WIPF2: variants seen among roughly 807,000 people sequenced by gnomAD.
WIPF2 encodes WAS/WASL interacting protein family member 2.
A neutral mutation model predicts 38.8 loss-of-function variants in WIPF2; 23 were observed. The ratio of observed to expected loss-of-function variants is 0.59; its 90% confidence interval spans 0.43 to 0.84. The LOEUF is 0.84. WIPF2 is among the 40% of genes least tolerant of loss of function. WIPF2 has a pLI of 0.00. For missense variants in WIPF2, 574 were observed against 580.5 expected (o/e 0.99, Z 0.11); for synonymous variants, 210 against 223.2 (o/e 0.94, Z 0.53).
chr17:40,256,417 T>C lies in WIPF2; in HGVS notation c.-43T>C. ...TATATGAATGACCTAAAGGTACAAA[T>C]AAAGACGGAGAGAGAACAGTGCCAA... On this transcript the variant is annotated 5_prime_UTR_variant, in exon 2 of 8. Transcript: ENST00000323571. 6.3e-7 allele frequency: 1 copy of C among 1,589,582 alleles called. No homozygotes were observed. The highest frequency in any genetic ancestry group is 2.3e-5 in the East Asian group (1 of 43,280).
At chr17:40,270,373 A>AG in intron 5 of WIPF2, among the ~76,000 whole-genome samples, 1 of 151,536 alleles carries the variant, frequency 6.6e-6, no homozygotes, top group East Asian at 1.9e-4. Flanking sequence ...CTCAAAAAAA[A>AG]AAAAAAAAAA....
At chr17:40,257,862 G>T (rs183309091) in intron 2 of WIPF2, among the ~76,000 whole-genome samples, 1 of 152,058 alleles carries the variant, frequency 6.6e-6, no homozygotes, top group African/African-American at 2.4e-5. Context: ...ATGTGTGCAC[G>T]CATAGGTGTG....
chr17:40,273,784 T>C lies in WIPF2; in HGVS notation c.971-6T>C. Reference sequence around the variant, plus strand: ...CAAACCTAACTACTTTGGATTTTAATTGCAGCTCCTCCACCCCCACCACCT... The same window carrying C: ...CAAACCTAACTACTTTGGATTTTAACTGCAGCTCCTCCACCCCCACCACCT... On this transcript the variant is annotated splice_region_variant and splice_polypyrimidine_tract_variant and intron_variant, in intron 5 of 7. Coordinates refer to ENST00000323571, the MANE Select transcript of WIPF2 (RefSeq NM_133264.5). 6.2e-7 allele frequency: 1 copy of C among 1,601,610 alleles called. No individual in the cohort carries two copies. Among genetic ancestry groups the C allele is most frequent in the Non-Finnish European group, 8.5e-7 (1 of 1,170,402 alleles).
intron 3 of WIPF2, among the ~76,000 whole-genome samples, chr17:40,261,718 A>C (rs1598490962): frequency 4.0e-5 from 5 of 123,634 alleles, no homozygotes; most frequent in Admixed American, 9.0e-5. Context: ...ACAGAATCTC[A>C]CTCTGTCACC....
At chr17:40,257,852 A>G (rs1432552310) in intron 2 of WIPF2, among the ~76,000 whole-genome samples, 1 of 151,704 alleles carries the variant, frequency 6.6e-6, no homozygotes, top group African/African-American at 2.4e-5. Context: ...GGGTGTGTGT[A>G]TGTGTGCACG....
chr17:40,247,207 G>GTTTT lies in WIPF2; in HGVS notation c.-69-9159_-69-9156dup, dbSNP rs775838379. On this transcript the variant is annotated intron_variant, in intron 1 of 7. Coordinates refer to ENST00000323571, the MANE Select transcript of WIPF2 (RefSeq NM_133264.5). ...TCGAAAATTTAATTCTTATTTCAGG[G>GTTTT]TTTTTTTTTTTTTTTTTTTTTTTTT... Among the ~76,000 whole-genome samples the GTTTT allele has an allele frequency of 2.1e-4, 24 of 116,962 alleles. 1 individual carries two copies. The highest frequency in any genetic ancestry group is 3.2e-4 in the Non-Finnish European group (18 of 55,740). The allele number at this position is 116,962 out of a possible 152,430, so 76.7% of individuals were successfully genotyped here. A position where few individuals can be genotyped will look rare whatever the true frequency, so the allele number is the denominator to read the frequency against.
chr17:40,239,790 G>T lies in WIPF2; in HGVS notation c.-69-16601G>T, dbSNP rs539272791. Among the ~76,000 whole-genome samples the T allele has an allele frequency of 1.1e-3, 153 of 137,748 alleles. 1 individual carries two copies. In the South Asian group the frequency reaches 0.037, roughly 34 times the overall value. The allele number at this position is 137,748 out of a possible 152,430, so 90.4% of individuals were successfully genotyped here. A position where few individuals can be genotyped will look rare whatever the true frequency, so the allele number is the denominator to read the frequency against. ...TGGCCCACTGCAACCTCTGCCACCC[G>T]GCTTCAAAGGATTCTCCTGCCTCAG... is the stretch of plus-strand genomic sequence containing the variant. On this transcript the variant is annotated intron_variant, in intron 1 of 7. Coordinates refer to ENST00000323571, the MANE Select transcript of WIPF2 (RefSeq NM_133264.5).
At chr17:40,244,755 C>T (rs1370178945) in intron 1 of WIPF2, among the ~76,000 whole-genome samples, 1 of 152,086 alleles carries the variant, frequency 6.6e-6, no homozygotes, top group African/African-American at 2.4e-5. Flanking sequence ...TTTACTAGTT[C>T]TCTAACACAC....
chr17:40,245,274 C>T (rs756003558), intron 1 of WIPF2, among the ~76,000 whole-genome samples: 6 of 151,928 alleles, frequency 3.9e-5, no homozygotes, highest in African/African-American at 9.7e-5. Flanking sequence ...AGACAGTAGA[C>T]GCTTGTCTTG....
chr17:40,259,926 T>C (rs1169703783), intron 2 of WIPF2, among the ~76,000 whole-genome samples: 1 of 152,198 alleles, frequency 6.6e-6, no homozygotes. Context: ...ATTAAATGTC[T>C]AACATACATA....
At chr17:40,228,010 GTTTTTTTTTTTT>G (rs1175714533) in intron 1 of WIPF2, among the ~76,000 whole-genome samples, 2 of 79,216 alleles carry the variant, frequency 2.5e-5, no homozygotes, top group East Asian at 3.6e-4. Context: ...ACCTCTTTTT[GTTTTTTTTTTTT>G]TTTTTTTTTT....
In WIPF2 at chr17:40,277,176, C is replaced by T; in HGVS notation, c.1274C>T (p.Thr425Ile). 6.2e-7 allele frequency: 1 copy of T among 1,607,532 alleles called. No individual in the cohort carries two copies. The highest frequency in any genetic ancestry group is 8.5e-7 in the Non-Finnish European group (1 of 1,175,836). The change falls in exon 7 of 8, where the codon ACA (threonine) becomes ATA (isoleucine). Residue 425 changes from threonine to isoleucine, a missense_variant. Coordinates refer to ENST00000323571, the MANE Select transcript of WIPF2 (RefSeq NM_133264.5). ...KHFQRIYPSK[T>I]NRAARGAPPL... The stretch of plus-strand genomic sequence containing the variant: ...TTTCAGAGGATATATCCCAGCAAAA[C>T]AAACCGAGGTGAGAATAATAATAAG...
rs2145422769 is a variant in WIPF2 at position 40,279,247 on chromosome 17, A to T, written c.*1022A>T. 6.6e-6 allele frequency: 1 copy of T among 152,474 alleles called. No homozygotes were observed. Among genetic ancestry groups the T allele is most frequent in the African/African-American group, 2.4e-5 (1 of 41,568 alleles). The allele number at this position is 152,474 out of a possible 1,614,324, so 9.4% of individuals were successfully genotyped here. ...CCTGGAAGGTGCTCCAGGATAACAA[A>T]GAAGGGCAGGTTGAAGCCCCTCATG... On this transcript the variant is annotated 3_prime_UTR_variant, in exon 8 of 8. Transcript: ENST00000323571.
chr17:40,251,156 C>T (rs1229452602), intron 1 of WIPF2, among the ~76,000 whole-genome samples: 9 of 151,828 alleles, frequency 5.9e-5, no homozygotes, highest in East Asian at 3.9e-4. Context: ...CCTTGTGATC[C>T]GCCCTCCTCG....
intron 1 of WIPF2, among the ~76,000 whole-genome samples, chr17:40,228,804 C>T (rs945342325): frequency 2.6e-5 from 4 of 151,766 alleles, no homozygotes; most frequent in East Asian, 3.9e-4. Context: ...TTTTTGTAGA[C>T]GTGAGGTCTC....
intron 1 of WIPF2, among the ~76,000 whole-genome samples, chr17:40,247,864 A>T (rs1434613274): frequency 6.6e-6 from 1 of 152,194 alleles, no homozygotes; most frequent in Non-Finnish European, 1.5e-5. Context: ...CCATAGGGTT[A>T]AGTTAGTAAT....
At chr17:40,258,160 G>A (rs2031788691) in intron 2 of WIPF2, among the ~76,000 whole-genome samples, 1 of 152,220 alleles carries the variant, frequency 6.6e-6, no homozygotes. Context: ...CACTTTGGGA[G>A]GCCGAGGCGG....
At chr17:40,258,408 A>T (rs2031796479) in intron 2 of WIPF2, among the ~76,000 whole-genome samples, 1 of 152,152 alleles carries the variant, frequency 6.6e-6, no homozygotes, top group South Asian at 2.1e-4. Context: ...CCTGGCCAAC[A>T]TGGTGAAACC....
rs867631394 is a variant in WIPF2 at position 40,224,592 on chromosome 17, C to G, written c.-70+5100C>G. Among the ~76,000 whole-genome samples the G allele has an allele frequency of 5.9e-5, 9 of 151,778 alleles. No homozygotes were observed. The Middle Eastern group carries it at 0.01, about 173-fold the overall frequency. On this transcript the variant is annotated intron_variant, in intron 1 of 7. Transcript: ENST00000323571. ...TGATTTTCCATTTTTCCTATCCTGT[C>G]ACAGTTTTCCGTTGCTCTGCTTGAG...
Sources: allele counts gnomAD v4.1 joint callset (sites outside exome capture counted in the v4.1 genomes callset), GRCh38; gene constraint gnomAD v4.1.1; transcripts MANE v1.5; gene names NCBI Gene and HGNC (gene_info 2026-07-23, HGNC 2026-07-21).